DNM2: variants seen among roughly 807,000 people sequenced by gnomAD.
DNM2 encodes the protein dynamin-2.
DNM2 carries 15 observed loss-of-function variants against 99.0 expected under a neutral mutation model. That is an observed-to-expected ratio of 0.15 (90% CI 0.10 to 0.23). The LOEUF (loss-of-function observed/expected upper bound fraction) is 0.23, where lower values mean the gene tolerates loss of function less well. Among genes scored for constraint, DNM2 ranks in the 10% least tolerant of loss-of-function variants. DNM2 has a pLI of 1.00. For synonymous variants in DNM2, 525 were observed against 481.2 expected (o/e 1.09, Z -1.19); for missense variants, 742 against 1,189.4 (o/e 0.62, Z 5.53).
chr19:10,812,084 T>G lies in DNM2; in HGVS notation c.1558-180T>G. The G allele has an allele frequency of 3.4e-4, 188 of 547,072 alleles. No homozygotes were observed. The highest frequency in any genetic ancestry group is 1.1e-3 in the East Asian group (24 of 22,612). 33.9% of individuals were successfully genotyped at this position (547,072 alleles called of 1,614,324 possible). On this transcript the variant is annotated intron_variant, in intron 14 of 20. Coordinates refer to ENST00000389253, the MANE Select transcript of DNM2 (RefSeq NM_001005361.3). The surrounding 1 kb of genome is among the most constrained non-coding windows in gnomAD (Gnocchi z 4.0). ...GCCCACCTGCCCAGGTGGCGCCTCA[T>G]GTTGGTTTCCTGCTGGAAATGCTTG... is the stretch of plus-strand genomic sequence containing the variant.
chr19:10,750,084 G>C (rs2070139554), intron 1 of DNM2, among the ~76,000 whole-genome samples: 1 of 152,148 alleles, frequency 6.6e-6, no homozygotes, highest in African/African-American at 2.4e-5. Context: ...TTGGAGGCAG[G>C]ATCTTCATTT....
intron 11 of DNM2, among the ~76,000 whole-genome samples, chr19:10,798,786 G>T (rs1448384244): frequency 1.3e-5 from 2 of 150,588 alleles, no homozygotes; most frequent in Admixed American, 6.6e-5. Flanking sequence ...ATACAGAGCG[G>T]TTCCGTCACC....
chr19:10,816,721 G>A lies in DNM2; in HGVS notation c.1672-3259G>A, dbSNP rs3826805. Reference sequence around the variant, plus strand: ...CTGTGGGGACCTTCCAGGGTCCCCTGGGTGGGAATGCCAGGCCTGGGGCAG... The same window carrying A: ...CTGTGGGGACCTTCCAGGGTCCCCTAGGTGGGAATGCCAGGCCTGGGGCAG... On this transcript the variant is annotated intron_variant, in intron 15 of 20. Transcript: ENST00000389253. The surrounding 1 kb of genome is among the most constrained non-coding windows in gnomAD (Gnocchi z 4.6). Among the ~76,000 whole-genome samples the A allele has an allele frequency of 4.5e-4, 68 of 152,336 alleles. No individual in the cohort carries two copies. The East Asian group carries it at 0.013, about 28-fold the overall frequency.
At chr19:10,792,744 A>T (rs1212447888) in intron 7 of DNM2, among the ~76,000 whole-genome samples, 1 of 151,968 alleles carries the variant, frequency 6.6e-6, no homozygotes, top group Non-Finnish European at 1.5e-5. Flanking sequence ...ATTAACTGGG[A>T]CTAGAAACGT....
chr19:10,724,944 G>A lies in DNM2; in HGVS notation c.161+6541G>A, dbSNP rs117063573. On this transcript the variant is annotated intron_variant, in intron 1 of 20. Coordinates refer to ENST00000389253, the MANE Select transcript of DNM2 (RefSeq NM_001005361.3). ...CCCTCCAGGGATATGTGGATGAGCCGCGGGGGCACTGCCTGTGCCTCAGTG... is the reference window on the plus strand; with the variant it reads ...CCCTCCAGGGATATGTGGATGAGCCACGGGGGCACTGCCTGTGCCTCAGTG... 9.6e-3 allele frequency among the ~76,000 whole-genome samples: 1,468 copies of A among 152,354 alleles called. 11 individuals carry two copies. The highest frequency in any genetic ancestry group is 0.01 in the Middle Eastern group (3 of 294).
chr19:10,742,413 G>A (rs913919776), intron 1 of DNM2, among the ~76,000 whole-genome samples: 13 of 152,176 alleles, frequency 8.5e-5, no homozygotes, highest in Non-Finnish European at 1.9e-4. Context: ...CTGTGGAATA[G>A]GGCCTTATGC....
At chr19:10,821,348 G>C (rs193016425) in intron 16 of DNM2, among the ~76,000 whole-genome samples, 1 of 152,160 alleles carries the variant, frequency 6.6e-6, no homozygotes, top group African/African-American at 2.4e-5. Context: ...AGGAAACCCA[G>C]AGTAGTAGCT....
Position 10,830,873 on chromosome 19 carries a change from T to G in DNM2, c.2544-105T>G, listed in dbSNP as rs1599643092. 5.0e-5 allele frequency: 68 copies of G among 1,372,446 alleles called. No homozygotes were observed. The highest frequency in any genetic ancestry group is 1.9e-4 in the Middle Eastern group (1 of 5,152). 85.0% of individuals were successfully genotyped at this position (1,372,446 alleles called of 1,614,324 possible). On this transcript the variant is annotated intron_variant, in intron 20 of 20. Transcript: ENST00000389253. The surrounding 1 kb of genome is among the most constrained non-coding windows in gnomAD (Gnocchi z 4.8). ...TGCGGAGGTCAGCCTGGGAACACCC[T>G]GGGGTGGTGTGTGGGTGGGGGCTGG...
At position 10,718,237 on chromosome 19, in the gene DNM2, G is replaced by T; in HGVS notation, c.-6G>T. ...CAGGGCGCTCGGGCCGGGGGCCGCC[G>T]GCGCCATGGGCAACCGCGGGATGGA... On this transcript the variant is annotated 5_prime_UTR_variant, in exon 1 of 21. Coordinates refer to ENST00000389253, the MANE Select transcript of DNM2 (RefSeq NM_001005361.3). 2.0e-6 allele frequency: 3 copies of T among 1,468,454 alleles called. No individual in the cohort carries two copies. Among genetic ancestry groups the T allele is most frequent in the Non-Finnish European group, 9.0e-7 (1 of 1,107,132 alleles). 91.0% of individuals were successfully genotyped at this position (1,468,454 alleles called of 1,614,324 possible).
chr19:10,790,925 T>C (rs951526640), intron 7 of DNM2, among the ~76,000 whole-genome samples: 2 of 152,074 alleles, frequency 1.3e-5, no homozygotes, highest in Non-Finnish European at 2.9e-5. Context: ...TGCGCCACCA[T>C]GCCTAGCTAA....
chr19:10,784,730 C>G (rs1471989443), intron 6 of DNM2, among the ~76,000 whole-genome samples: 1 of 152,178 alleles, frequency 6.6e-6, no homozygotes, highest in African/African-American at 2.4e-5. Context: ...TGGGTTACCC[C>G]ACTTGCTCCA....
rs538253489 is a variant in DNM2, at chr19:10,812,347, C to A, written c.1641C>A (p.Ala547=). The change falls in exon 15 of 21, where the codon GCC becomes GCA. Residue 547 remains alanine, a synonymous_variant. Coordinates refer to ENST00000389253, the MANE Select transcript of DNM2 (RefSeq NM_001005361.3). The surrounding 1 kb of genome is among the most constrained non-coding windows in gnomAD (Gnocchi z 4.0). ...GSKEYWFVLT[A]ESLSWYKDEE... is the part of the protein sequence containing the mutation. ...AGGAGTACTGGTTTGTGCTGACTGC[C>A]GAGTCACTGTCCTGGTACAAGGATG... The A allele has an allele frequency of 4.3e-6, 7 of 1,609,898 alleles. No homozygotes were observed. The highest frequency in any genetic ancestry group is 1.3e-5 in the African/African-American group (1 of 74,784).
rs1161047685 is a variant in DNM2, at chr19:10,795,293, A to G, written c.1129-79A>G. The stretch of plus-strand genomic sequence containing the variant: ...TTGTGAATATAGCCACACGTGGGAG[A>G]GAACGTTCCCCAGATGCACGCCTGC... On this transcript the variant is annotated intron_variant, in intron 8 of 20. Transcript: ENST00000389253. This position sits in a 1 kb window ranked among gnomAD's most constrained non-coding sequence, Gnocchi z 4.2. The G allele has an allele frequency of 2.3e-5, 30 of 1,328,560 alleles. No homozygotes were observed. Among genetic ancestry groups the G allele is most frequent in the South Asian group, 1.9e-4 (16 of 85,252 alleles). 82.3% of individuals were successfully genotyped at this position (1,328,560 alleles called of 1,614,324 possible).
At position 10,795,539 on chromosome 19, in the gene DNM2, C is replaced by A. The variant is rs1388919305; in HGVS notation, c.1196+100C>A. On this transcript the variant is annotated intron_variant, in intron 9 of 20. Transcript: ENST00000389253. The surrounding 1 kb of genome is among the most constrained non-coding windows in gnomAD (Gnocchi z 4.2). ...CACCTCTGAGTCCCTAATCGTTAGG[C>A]CTTAAGAGGGCTCTTGGATGGTTTT... 2.9e-6 allele frequency: 4 copies of A among 1,373,004 alleles called. No homozygotes were observed. Among genetic ancestry groups the A allele is most frequent in the Non-Finnish European group, 4.1e-6 (4 of 967,814 alleles). 85.1% of individuals were successfully genotyped at this position (1,373,004 alleles called of 1,614,324 possible).
intron 1 of DNM2, among the ~76,000 whole-genome samples, chr19:10,725,490 G>A (rs1013583222): frequency 6.6e-6 from 1 of 151,712 alleles, no homozygotes; most frequent in African/African-American, 2.4e-5. Flanking sequence ...TGCAAGGCTC[G>A]GTTAGGGTGG....
rs2072563231 is a variant in DNM2, at chr19:10,811,986, C to T, written c.1558-278C>T. ...ACACACAAGCCCCAGGGACTCCTCC[C>T]ATGGGCCCCTTTCCATCAGGCCTCT... On this transcript the variant is annotated intron_variant, in intron 14 of 20. Coordinates refer to ENST00000389253, the MANE Select transcript of DNM2 (RefSeq NM_001005361.3). The surrounding 1 kb of genome is among the most constrained non-coding windows in gnomAD (Gnocchi z 5.4). The T allele has an allele frequency of 2.1e-6, 1 of 481,544 alleles. No individual in the cohort carries two copies. Among genetic ancestry groups the T allele is most frequent in the Non-Finnish European group, 4.1e-6 (1 of 243,788 alleles). The allele number at this position is 481,544 out of a possible 1,614,324, so 29.8% of individuals were successfully genotyped here. A position where few individuals can be genotyped will look rare whatever the true frequency, so the allele number is the denominator to read the frequency against.
chr19:10,739,991 T>C lies in DNM2; in HGVS notation c.162-19747T>C, dbSNP rs117410304. 6.2e-3 allele frequency among the ~76,000 whole-genome samples: 951 copies of C among 152,212 alleles called. 9 individuals carry two copies. Among genetic ancestry groups the C allele is most frequent in the Non-Finnish European group, 0.01 (707 of 68,012 alleles). On this transcript the variant is annotated intron_variant, in intron 1 of 20. Coordinates refer to ENST00000389253, the MANE Select transcript of DNM2 (RefSeq NM_001005361.3). ...ATCTATTGAGTTTTTCTGTGTCTTC[T>C]TGAGTCAGTTTCAGTAATTTGGGTC...
intron 2 of DNM2, among the ~76,000 whole-genome samples, chr19:10,767,111 G>A (rs2070823579): frequency 1.3e-5 from 2 of 152,080 alleles, no homozygotes. Flanking sequence ...AGAGCCAGGG[G>A]TGGCTCAGTG....
chr19:10,793,621 A>AAG, intron 7 of DNM2, 99 bp from the exon 8 acceptor site: 1 of 1,609,378 alleles, frequency 6.2e-7, no homozygotes, highest in South Asian at 1.1e-5. Flanking sequence ...CTGCTGAAAA[A>AAG]TGGTAAAAGA....
Sources: gnomAD v4.1 joint callset for allele counts (sites outside exome capture counted in the v4.1 genomes callset) on GRCh38, gnomAD v4.1.1 for gene constraint, Gnocchi (gnomAD v3.1) non-coding constraint, MANE v1.5 for transcripts, NCBI Gene and HGNC (gene_info 2026-07-23, HGNC 2026-07-21) for gene names.